RAPGEF4: variants seen among roughly 807,000 people sequenced by gnomAD.
The protein encoded by RAPGEF4 is RAP guanine-nucleotide-exchange factor (GEF) 4.
A neutral mutation model predicts 147.9 loss-of-function variants in RAPGEF4; 66 were observed. The ratio of observed to expected loss-of-function variants is 0.45; its 90% confidence interval spans 0.37 to 0.55. The LOEUF (loss-of-function observed/expected upper bound fraction) is 0.55, where lower values mean the gene tolerates loss of function less well. Ranked by LOEUF, RAPGEF4 falls within the 20% of genes least tolerant of loss-of-function variation. The pLI is 0.00. For synonymous variants in RAPGEF4, 419 were observed against 442.7 expected (o/e 0.95, Z 0.67); for missense variants, 1,071 against 1,257.3 (o/e 0.85, Z 2.24).
intron 8 of RAPGEF4, 171 bp from the exon 9 acceptor site, chr2:172,965,391 A>T: frequency 2.7e-6 from 2 of 745,642 alleles, no homozygotes; most frequent in Non-Finnish European, 4.5e-6. Context: ...TTTGGCTTGT[A>T]TTAGCATTTG....
intron 1 of RAPGEF4, among the ~76,000 whole-genome samples, chr2:172,768,334 A>C (rs977914965): frequency 6.6e-6 from 1 of 152,158 alleles, no homozygotes; most frequent in Admixed American, 6.5e-5. Flanking sequence ...TCTACCAAAA[A>C]ACCTTAATTT....
At chr2:172,815,856 AC>A in intron 4 of RAPGEF4, among the ~76,000 whole-genome samples, 1 of 152,326 alleles carries the variant, frequency 6.6e-6, no homozygotes, top group East Asian at 1.9e-4. Flanking sequence ...GAACATTAAA[AC>A]AAACTTATTA....
intron 16 of RAPGEF4, among the ~76,000 whole-genome samples, chr2:172,999,924 T>C (rs1438886351): frequency 5.3e-5 from 8 of 152,084 alleles, no homozygotes; most frequent in Non-Finnish European, 1.0e-4. Flanking sequence ...GTTAACTGAC[T>C]CCCTCCCCAG....
intron 26 of RAPGEF4, among the ~76,000 whole-genome samples, chr2:173,031,582 C>T (rs1231265640): frequency 1.3e-5 from 2 of 152,144 alleles, no homozygotes; most frequent in African/African-American, 4.8e-5. Flanking sequence ...GGTGTGGGTA[C>T]CACAGATCAG....
At chr2:173,029,769 G>C (rs1020205954) in intron 25 of RAPGEF4, among the ~76,000 whole-genome samples, 1 of 152,180 alleles carries the variant, frequency 6.6e-6, no homozygotes, top group Non-Finnish European at 1.5e-5. Flanking sequence ...CAAGCTGCCA[G>C]AGGAGGATAT....
chr2:172,804,338 C>T (rs909045865), intron 3 of RAPGEF4, among the ~76,000 whole-genome samples: 5 of 152,102 alleles, frequency 3.3e-5, no homozygotes, highest in African/African-American at 4.8e-5. Context: ...TGTAATTGGT[C>T]TAGCAAATTC....
At chr2:172,935,958 C>T (rs977813595) in intron 6 of RAPGEF4, among the ~76,000 whole-genome samples, 1 of 151,944 alleles carries the variant, frequency 6.6e-6, no homozygotes, top group Admixed American at 6.6e-5. Flanking sequence ...ATACTTTGTG[C>T]CTAAAAGGAG....
At chr2:172,903,182 A>C (rs1424747247) in intron 4 of RAPGEF4, among the ~76,000 whole-genome samples, 1 of 152,080 alleles carries the variant, frequency 6.6e-6, no homozygotes, top group Non-Finnish European at 1.5e-5. Context: ...CAGCCTGATC[A>C]ACATGGTGAA....
chr2:172,885,926 G>C (rs1351502135), intron 4 of RAPGEF4, among the ~76,000 whole-genome samples: 1 of 152,070 alleles, frequency 6.6e-6, no homozygotes, highest in African/African-American at 2.4e-5. Flanking sequence ...ATGCATCTCG[G>C]TGCCCTGAGT....
intron 8 of RAPGEF4, among the ~76,000 whole-genome samples, chr2:172,964,322 C>T (rs1281997405): frequency 6.6e-6 from 1 of 151,804 alleles, no homozygotes; most frequent in Non-Finnish European, 1.5e-5. Flanking sequence ...TCCCACAATT[C>T]CTCTGATAGA....
chr2:172,841,239 C>A (rs573805643), intron 4 of RAPGEF4, among the ~76,000 whole-genome samples: 7 of 152,260 alleles, frequency 4.6e-5, no homozygotes, highest in African/African-American at 1.7e-4. Context: ...CTCTTACTTC[C>A]CTCAAGAACT....
At chr2:172,738,292 C>T (rs1182726988) in intron 1 of RAPGEF4, among the ~76,000 whole-genome samples, 1 of 152,156 alleles carries the variant, frequency 6.6e-6, no homozygotes, top group Non-Finnish European at 1.5e-5. Flanking sequence ...TCTTCTTTTC[C>T]AGGCACTGTG....
intron 4 of RAPGEF4, among the ~76,000 whole-genome samples, chr2:172,816,049 G>A (rs1688472541): frequency 6.6e-6 from 1 of 151,792 alleles, no homozygotes; most frequent in African/African-American, 2.4e-5. Context: ...TAAATATTCA[G>A]CATATATCTC....
chr2:172,908,854 G>A (rs1261072781), intron 4 of RAPGEF4, among the ~76,000 whole-genome samples: 1 of 152,080 alleles, frequency 6.6e-6, no homozygotes, highest in Non-Finnish European at 1.5e-5. Context: ...CAGAGAGCTT[G>A]AGGGACTTGT....
chr2:172,764,876 C>T (rs2149475502), intron 1 of RAPGEF4, among the ~76,000 whole-genome samples: 1 of 152,212 alleles, frequency 6.6e-6, no homozygotes, highest in South Asian at 2.1e-4. Context: ...TGAACATGGG[C>T]CTGAGAATTT....
chr2:173,032,103 G>C (rs1330234294), intron 26 of RAPGEF4, among the ~76,000 whole-genome samples: 1 of 152,182 alleles, frequency 6.6e-6, no homozygotes, highest in Non-Finnish European at 1.5e-5. Context: ...GGAAGATCAA[G>C]CTGAGATGAA....
intron 1 of RAPGEF4, among the ~76,000 whole-genome samples, chr2:172,749,267 G>T (rs958272253): frequency 1.3e-5 from 2 of 152,226 alleles, no homozygotes; most frequent in Non-Finnish European, 2.9e-5. Context: ...CCCTAGCAGG[G>T]GTTCTCCATG....
intron 14 of RAPGEF4, 144 bp downstream of exon 14, chr2:172,988,983 ATATTTAATGTGTTGG>A (rs1692556876): frequency 1.1e-6 from 1 of 910,038 alleles, no homozygotes; most frequent in Non-Finnish European, 1.6e-6. Flanking sequence ...CAAACCGGTT[ATATTTAATGTGTTGG>A]TATGCATTCT....
In RAPGEF4 at chr2:173,014,676, T is replaced by C. The variant is rs2105889081; in HGVS notation, c.1809+62T>C. The C allele has an allele frequency of 4.6e-6, 7 of 1,517,988 alleles. No individual in the cohort carries two copies. The East Asian group carries it at 1.2e-4, about 25-fold the overall frequency. The allele number at this position is 1,517,988 out of a possible 1,614,324, so 94.0% of individuals were successfully genotyped here. On this transcript the variant is annotated intron_variant, in intron 18 of 30. Coordinates refer to ENST00000397081, the MANE Select transcript of RAPGEF4 (RefSeq NM_007023.4). ...GTCCTGCAATACAGGGACCTACTTATAGGCTCAGCAGCTTCCCTGGAGAGA... is the reference window on the plus strand; with the variant it reads ...GTCCTGCAATACAGGGACCTACTTACAGGCTCAGCAGCTTCCCTGGAGAGA...
Sources: gnomAD v4.1 joint callset for allele counts (sites outside exome capture counted in the v4.1 genomes callset) on GRCh38, gnomAD v4.1.1 for gene constraint, MANE v1.5 for transcripts, NCBI Gene and HGNC (gene_info 2026-07-23, HGNC 2026-07-21) for gene names.